The following FOXP2 variants were observed in gnomAD, a reference collection of about 807,000 sequenced individuals.
The protein encoded by FOXP2 is forkhead box P2.
In FOXP2, 12 loss-of-function variants were observed where a neutral mutation model predicts 115.8. The observed-to-expected ratio is 0.10, with a 90% CI of 0.07 to 0.17. The LOEUF is 0.17. Among genes scored for constraint, FOXP2 ranks in the 10% least tolerant of loss-of-function variants. The probability of loss-of-function intolerance (pLI) is 1.00; values close to 1 mark genes in which losing one functional copy is unlikely to be tolerated. For missense variants in FOXP2, 629 were observed against 843.5 expected, an observed-to-expected ratio of 0.75 and a Z score of 3.15; for synonymous variants, 328 against 297.7, an observed-to-expected ratio of 1.10 and a Z score of -1.05.
intron 3 of FOXP2, among the ~76,000 whole-genome samples, chr7:114,617,748 G>A (rs1344362118): frequency 1.3e-5 from 2 of 152,162 alleles, no homozygotes; most frequent in African/African-American, 4.8e-5. Flanking sequence ...AGCTGAGATC[G>A]TGCCCTTGCA....
intron 2 of FOXP2, among the ~76,000 whole-genome samples, chr7:114,451,980 A>G (rs542796981): frequency 1.3e-5 from 2 of 152,086 alleles, no homozygotes; most frequent in African/African-American, 4.8e-5. Flanking sequence ...TTTCTCTTCT[A>G]TAAGCTGAAA....
intron 15 of FOXP2, 76 bp from the exon 16 acceptor site, chr7:114,664,197 A>C: frequency 6.8e-7 from 1 of 1,480,996 alleles, no homozygotes. Flanking sequence ...GGAACCCATT[A>C]AAAGAAGATA....
chr7:114,688,406 A>G (rs1035475802), intron 16 of FOXP2, among the ~76,000 whole-genome samples: 2 of 152,192 alleles, frequency 1.3e-5, no homozygotes, highest in African/African-American at 4.8e-5. Context: ...TTATTTTGCA[A>G]TGAATATTAA....
chr7:114,584,777 G>T (rs961559764), intron 3 of FOXP2, among the ~76,000 whole-genome samples: 2 of 152,094 alleles, frequency 1.3e-5, no homozygotes, highest in Admixed American at 1.3e-4. Flanking sequence ...CCTGGCTAAG[G>T]TATTTTTATC....
intron 2 of FOXP2, among the ~76,000 whole-genome samples, chr7:114,457,425 A>T (rs1044181547): frequency 6.6e-6 from 1 of 152,016 alleles, no homozygotes; most frequent in Non-Finnish European, 1.5e-5. Context: ...CCTTTTATGA[A>T]TATCATGTTT....
intron 2 of FOXP2, among the ~76,000 whole-genome samples, chr7:114,508,765 G>T (rs1463448702): frequency 6.6e-6 from 1 of 152,048 alleles, no homozygotes; most frequent in Non-Finnish European, 1.5e-5. Flanking sequence ...AATTAAAATT[G>T]GGTATTCACT....
At chr7:114,389,920 A>T (rs1300769220) in intron 2 of FOXP2, among the ~76,000 whole-genome samples, 1 of 146,824 alleles carries the variant, frequency 6.8e-6, no homozygotes, top group Non-Finnish European at 1.5e-5. Flanking sequence ...GCTACTCAGG[A>T]GGTGGAGGCA....
chr7:114,264,160 T>TGGCAAGGTGGTA (rs1795835977), intron 1 of FOXP2, among the ~76,000 whole-genome samples: 1 of 152,120 alleles, frequency 6.6e-6, no homozygotes, highest in Non-Finnish European at 1.5e-5. Flanking sequence ...CTCTTCACCC[T>TGGCAAGGTGGTA]TATTCTAGTA....
At position 114,348,930 on chromosome 7, in the gene FOXP2, G is replaced by A. The variant is rs73716391; in HGVS notation, c.-11+60821G>A. Among the ~76,000 whole-genome samples, 1,378 of 152,020 alleles carry A rather than the reference G, an allele frequency of 9.1e-3. 17 individuals carry two copies. Among genetic ancestry groups the A allele is most frequent in the African/African-American group, 0.031 (1,302 of 41,488 alleles). On this transcript the variant is annotated intron_variant, in intron 2 of 17. Transcript: ENST00000634411. Reference sequence around the variant, plus strand: ...CTCGTTTTTTTCTCAAAGCAAAATGGGCCAAATGGGCTCATGATGGATTCC... The same window carrying A: ...CTCGTTTTTTTCTCAAAGCAAAATGAGCCAAATGGGCTCATGATGGATTCC...
At chr7:114,319,557 G>A (rs1199093888) in intron 2 of FOXP2, among the ~76,000 whole-genome samples, 1 of 152,228 alleles carries the variant, frequency 6.6e-6, no homozygotes, top group African/African-American at 2.4e-5. Flanking sequence ...AAGAGAGAGC[G>A]TGTGCAGAGA....
At chr7:114,604,777 C>A (rs1803222631) in intron 3 of FOXP2, among the ~76,000 whole-genome samples, 3 of 152,100 alleles carry the variant, frequency 2.0e-5, no homozygotes, top group Admixed American at 2.0e-4. Flanking sequence ...TAGGCCTCTA[C>A]TAAAGGCTTC....
At chr7:114,101,164 A>C (rs1790939640) in intron 1 of FOXP2, among the ~76,000 whole-genome samples, 1 of 152,188 alleles carries the variant, frequency 6.6e-6, no homozygotes, top group Admixed American at 6.5e-5. Flanking sequence ...GTTGTGTCAC[A>C]AATGAGGAAC....
intron 1 of FOXP2, among the ~76,000 whole-genome samples, chr7:114,204,838 A>G (rs1794158813): frequency 6.6e-6 from 1 of 152,128 alleles, no homozygotes; most frequent in South Asian, 2.1e-4. Flanking sequence ...TTAAGTCAGA[A>G]ATAGTAGAGT....
At chr7:114,226,741 T>C (rs1444409539) in intron 1 of FOXP2, among the ~76,000 whole-genome samples, 1 of 152,154 alleles carries the variant, frequency 6.6e-6, no homozygotes, top group Non-Finnish European at 1.5e-5. Flanking sequence ...ATATCATTAT[T>C]ATGTCTTTCT....
chr7:114,335,034 A>G (rs1797816724), intron 2 of FOXP2, among the ~76,000 whole-genome samples: 2 of 149,464 alleles, frequency 1.3e-5, no homozygotes, highest in South Asian at 2.1e-4. Context: ...ACACAAAAGC[A>G]TGAGCACTAG....
intron 2 of FOXP2, among the ~76,000 whole-genome samples, chr7:114,509,978 G>A (rs899982651): frequency 5.9e-5 from 9 of 151,984 alleles, no homozygotes; most frequent in African/African-American, 2.2e-4. Flanking sequence ...AGAAAACATG[G>A]TCAGAAAGCT....
chr7:114,354,935 C>T lies in FOXP2; in HGVS notation c.-11+66826C>T, dbSNP rs375877576. Among the ~76,000 whole-genome samples, 14 of 152,166 alleles carry T rather than the reference C, an allele frequency of 9.2e-5. No individual in the cohort carries two copies. In the East Asian group the frequency reaches 1.4e-3, roughly 15 times the overall value. ...AATTATTTTCATATTTGTAAATAAA[C>T]GAGCATTGCTATTGCTTTTTCTGTC... On this transcript the variant is annotated intron_variant, in intron 2 of 17. Transcript: ENST00000634411.
upstream of FOXP2, among the ~76,000 whole-genome samples, chr7:114,160,533 T>A (rs988399408): frequency 9.2e-5 from 14 of 152,164 alleles, no homozygotes; most frequent in Non-Finnish European, 1.6e-4. Flanking sequence ...AGCTCTGTCC[T>A]AAGGGATGGG....
rs116357870 is a variant in FOXP2 at position 114,339,814 on chromosome 7, G to A, written c.-11+51705G>A. Among the ~76,000 whole-genome samples, 417 of 151,218 alleles carry A rather than the reference G, an allele frequency of 2.8e-3. 1 individual carries two copies. The highest frequency in any genetic ancestry group is 9.2e-3 in the African/African-American group (383 of 41,440). ...TGTTGCTCTTTTAAAGTCAGAGTAAGATACAGTTTTTTTATGATTACCTAG... is the reference window on the plus strand; with the variant it reads ...TGTTGCTCTTTTAAAGTCAGAGTAAAATACAGTTTTTTTATGATTACCTAG... On this transcript the variant is annotated intron_variant, in intron 2 of 17. Transcript: ENST00000634411.
Sources: allele counts gnomAD v4.1 joint callset (sites outside exome capture counted in the v4.1 genomes callset), GRCh38; gene constraint gnomAD v4.1.1; transcripts MANE v1.5; gene names NCBI Gene and HGNC (gene_info 2026-07-23, HGNC 2026-07-21).